KCNE4: variants seen among roughly 807,000 people sequenced by gnomAD.
The protein encoded by KCNE4 is potassium voltage-gated channel subfamily E member 4.
KCNE4 carries 6 observed loss-of-function variants against 9.2 expected under a neutral mutation model. The observed-to-expected ratio is 0.65, with a 90% confidence interval of 0.36 to 1.29. KCNE4 has a LOEUF of 1.29. Ranked by LOEUF, KCNE4 falls within the 50% of genes most tolerant of loss-of-function variation. KCNE4 has a pLI of 0.03. For synonymous variants in KCNE4, 115 were observed against 103.2 expected (o/e 1.11, Z -0.70); for missense variants, 222 against 228.8 (o/e 0.97, Z 0.19).
At chr2:223,052,316 A>G (rs145208687) in intron 1 of KCNE4, 42 bp downstream of exon 1, 1 of 1,234,304 alleles carries the variant, frequency 8.1e-7, no homozygotes, top group East Asian at 3.1e-5. Context: ...AAACATTTGA[A>G]AGAGGGACAT....
Position 223,055,375 on chromosome 2 carries a change from A to G in KCNE4, c.*2032A>G, listed in dbSNP as rs1698752552. On this transcript the variant is annotated 3_prime_UTR_variant, in exon 2 of 2. Coordinates refer to ENST00000281830, the MANE Select transcript of KCNE4 (RefSeq NM_080671.4). ...GGGGCTGTTTAAGTTGAAAGAAGCCAAGTTAAGTTTGGCCTCTTGCCTGGA... is the reference window on the plus strand; with the variant it reads ...GGGGCTGTTTAAGTTGAAAGAAGCCGAGTTAAGTTTGGCCTCTTGCCTGGA... 6.0e-6 allele frequency: 1 copy of G among 167,080 alleles called. No individual in the cohort carries two copies. The highest frequency in any genetic ancestry group is 1.5e-5 in the Non-Finnish European group (1 of 68,104). 10.3% of individuals were successfully genotyped at this position (167,080 alleles called of 1,614,324 possible).
rs748663275 is a variant in KCNE4 at position 223,053,259 on chromosome 2, A to T, written c.429A>T (p.Ala143=). The T allele has an allele frequency of 1.2e-6, 2 of 1,614,008 alleles. No individual in the cohort carries two copies. The highest frequency in any genetic ancestry group is 2.2e-5 in the South Asian group (2 of 91,080). ...DVHLTIQEEG[A]DDELEETSET... Reference sequence around the variant, plus strand: ...ACCTCACCATTCAGGAGGAGGGGGCAGACGATGAGCTGGAGGAGACCTCGG... The same window carrying T: ...ACCTCACCATTCAGGAGGAGGGGGCTGACGATGAGCTGGAGGAGACCTCGG... The change falls in exon 2 of 2, where the codon GCA becomes GCT. Residue 143 remains alanine, a synonymous_variant. Coordinates refer to ENST00000281830, the MANE Select transcript of KCNE4 (RefSeq NM_080671.4). The surrounding 1 kb of genome is among the most constrained non-coding windows in gnomAD (Gnocchi z 4.1).
In KCNE4 at chr2:223,053,597, TG is replaced by T; in HGVS notation, c.*258del. ...AGATGCGCAGCGCGTACACTGACTT[TG>T]GGGCCTGGGTGTTGGGGTTCTGATC... On this transcript the variant is annotated 3_prime_UTR_variant, in exon 2 of 2. Coordinates refer to ENST00000281830, the MANE Select transcript of KCNE4 (RefSeq NM_080671.4). The surrounding 1 kb of genome is among the most constrained non-coding windows in gnomAD (Gnocchi z 4.1). 1 of 534,928 alleles carries T rather than the reference TG, an allele frequency of 1.9e-6. No homozygotes were observed. Among genetic ancestry groups the T allele is most frequent in the Non-Finnish European group, 3.5e-6 (1 of 287,572 alleles). The allele number at this position is 534,928 out of a possible 1,614,324, so 33.1% of individuals were successfully genotyped here.
chr2:223,053,196 G>T lies in KCNE4; in HGVS notation c.366G>T (p.Gly122=). The T allele has an allele frequency of 6.2e-7, 1 of 1,612,344 alleles. No individual in the cohort carries two copies. The change falls in exon 2 of 2, where the codon GGG becomes GGT. Residue 122 remains glycine, a synonymous_variant. Coordinates refer to ENST00000281830, the MANE Select transcript of KCNE4 (RefSeq NM_080671.4). The surrounding 1 kb of genome is among the most constrained non-coding windows in gnomAD (Gnocchi z 4.1). Reference sequence around the variant, plus strand: ...CCTGCACCCTCTGTTCCATGGAAGGGGACAGCGTGAGCTCCGAGTCCTCCT... The same window carrying T: ...CCTGCACCCTCTGTTCCATGGAAGGTGACAGCGTGAGCTCCGAGTCCTCCT... ...ALSCTLCSME[G]DSVSSESSSP...
Position 223,055,017 on chromosome 2 carries a change from C to T in KCNE4, c.*1674C>T, listed in dbSNP as rs2106183911. On this transcript the variant is annotated 3_prime_UTR_variant, in exon 2 of 2. Coordinates refer to ENST00000281830, the MANE Select transcript of KCNE4 (RefSeq NM_080671.4). ...GGATTACAGGCGCCTGCCACCACGC[C>T]CAGCTAATTTTTTGATTTTTAGTAG... is the stretch of plus-strand genomic sequence containing the variant. 1 of 161,282 alleles carries T rather than the reference C, an allele frequency of 6.2e-6. No individual in the cohort carries two copies. Among genetic ancestry groups the T allele is most frequent in the African/African-American group, 2.4e-5 (1 of 41,512 alleles). The allele number at this position is 161,282 out of a possible 1,614,324, so 10.0% of individuals were successfully genotyped here. A position where few individuals can be genotyped will look rare whatever the true frequency, so the allele number is the denominator to read the frequency against.
Position 223,052,790 on chromosome 2 carries a change from C to G in KCNE4, c.-23-18C>G. ...CCAGGACCTGGGGGAGAGTTCTAAC[C>G]TGCGGCTTTTTCCCCAGCCCCTGCT... On this transcript the variant is annotated intron_variant, in intron 1 of 1. Coordinates refer to ENST00000281830, the MANE Select transcript of KCNE4 (RefSeq NM_080671.4). 1 of 1,603,364 alleles carries G rather than the reference C, an allele frequency of 6.2e-7. No homozygotes were observed. The highest frequency in any genetic ancestry group is 8.5e-7 in the Non-Finnish European group (1 of 1,179,688).
Position 223,053,030 on chromosome 2 carries a change from C to T in KCNE4, c.200C>T (p.Ser67Phe), listed in dbSNP as rs1698718319. Residue 67 changes from serine (S) to phenylalanine (F), a missense_variant, in exon 2 of 2, where the codon TCC becomes TTC. Coordinates refer to ENST00000281830, the MANE Select transcript of KCNE4 (RefSeq NM_080671.4). The surrounding 1 kb of genome is among the most constrained non-coding windows in gnomAD (Gnocchi z 4.1). Reference sequence around the variant, plus strand: ...AAATCCAAGAGGCGGGAGAAGAAGTCCAGCCTCCTGCTGCTGTACAAAGAC... The same window carrying T: ...AAATCCAAGAGGCGGGAGAAGAAGTTCAGCCTCCTGCTGCTGTACAAAGAC... ...YMKSKRREKK[S>F]SLLLLYKDEE... 1 of 1,614,188 alleles carries T rather than the reference C, an allele frequency of 6.2e-7. No homozygotes were observed. Among genetic ancestry groups the T allele is most frequent in the Non-Finnish European group, 8.5e-7 (1 of 1,180,028 alleles).
In KCNE4 at chr2:223,053,992, A is replaced by G. The variant is rs1349115000; in HGVS notation, c.*649A>G. The G allele has an allele frequency of 1.2e-5, 2 of 167,996 alleles. No homozygotes were observed. Among genetic ancestry groups the G allele is most frequent in the Non-Finnish European group, 2.9e-5 (2 of 68,840 alleles). 10.4% of individuals were successfully genotyped at this position (167,996 alleles called of 1,614,324 possible). ...GATCTTCTATTTTGACCTTTTGTCT[A>G]ACTTATGACCTTGAACTCTGACCTG... On this transcript the variant is annotated 3_prime_UTR_variant, in exon 2 of 2. Coordinates refer to ENST00000281830, the MANE Select transcript of KCNE4 (RefSeq NM_080671.4). The surrounding 1 kb of genome is among the most constrained non-coding windows in gnomAD (Gnocchi z 4.1).
Position 223,052,201 on chromosome 2 carries a change from C to T in KCNE4, c.-97C>T. On this transcript the variant is annotated 5_prime_UTR_variant, in exon 1 of 2. Transcript: ENST00000281830. ...GCAGCGGAGTTGTCAGAGCGCAGAG[C>T]CGGACAGAGCAGAAGAACCCTCTTG... The T allele has an allele frequency of 4.1e-6, 5 of 1,232,812 alleles. No individual in the cohort carries two copies. The highest frequency in any genetic ancestry group is 5.1e-6 in the Non-Finnish European group (5 of 988,538). 76.4% of individuals were successfully genotyped at this position (1,232,812 alleles called of 1,614,324 possible). A position where few individuals can be genotyped will look rare whatever the true frequency, so the allele number is the denominator to read the frequency against.
intron 1 of KCNE4, among the ~76,000 whole-genome samples, 151 bp downstream of exon 1, chr2:223,052,425 G>A (rs78654549): frequency 0.026 from 3,972 of 151,924 alleles, 174 homozygotes; most frequent in African/African-American, 0.091. Flanking sequence ...TTTGGTTTTG[G>A]AAACACAATG....
At chr2:223,052,670 T>G in intron 1 of KCNE4, 138 bp from the exon 2 acceptor site, 1 of 954,748 alleles carries the variant, frequency 1.0e-6, no homozygotes. Flanking sequence ...TTGTCAGCTG[T>G]TTGGCGAACC....
rs1056277926 is a variant in KCNE4, at chr2:223,052,208, G to C, written c.-90G>C. Reference sequence around the variant, plus strand: ...AGTTGTCAGAGCGCAGAGCCGGACAGAGCAGAAGAACCCTCTTGGACTGGA... The same window carrying C: ...AGTTGTCAGAGCGCAGAGCCGGACACAGCAGAAGAACCCTCTTGGACTGGA... On this transcript the variant is annotated 5_prime_UTR_variant, in exon 1 of 2. Transcript: ENST00000281830. 8.9e-6 allele frequency: 11 copies of C among 1,233,676 alleles called. No homozygotes were observed. The African/African-American group carries it at 1.4e-4, about 16-fold the overall frequency. The allele number at this position is 1,233,676 out of a possible 1,614,324, so 76.4% of individuals were successfully genotyped here. A position where few individuals can be genotyped will look rare whatever the true frequency, so the allele number is the denominator to read the frequency against.
At position 223,053,533 on chromosome 2, in the gene KCNE4, G is replaced by A. The variant is rs1231735179; in HGVS notation, c.*190G>A. On this transcript the variant is annotated 3_prime_UTR_variant, in exon 2 of 2. Coordinates refer to ENST00000281830, the MANE Select transcript of KCNE4 (RefSeq NM_080671.4). This position sits in a 1 kb window ranked among gnomAD's most constrained non-coding sequence, Gnocchi z 4.1. Reference sequence around the variant, plus strand: ...ACCAGCACCTCCAAGGAGTCCGGGAGGTGCCTGTGGTTTGCACCCACCACT... The same window carrying A: ...ACCAGCACCTCCAAGGAGTCCGGGAAGTGCCTGTGGTTTGCACCCACCACT... 9 of 648,558 alleles carry A rather than the reference G, an allele frequency of 1.4e-5. No individual in the cohort carries two copies. The highest frequency in any genetic ancestry group is 9.1e-5 in the African/African-American group (5 of 54,856). 40.2% of individuals were successfully genotyped at this position (648,558 alleles called of 1,614,324 possible). A position where few individuals can be genotyped will look rare whatever the true frequency, so the allele number is the denominator to read the frequency against.
chr2:223,052,846 C>A lies in KCNE4; in HGVS notation c.16C>A (p.Pro6Thr). 1.2e-6 allele frequency: 2 copies of A among 1,612,280 alleles called. No individual in the cohort carries two copies. The highest frequency in any genetic ancestry group is 2.2e-5 in the South Asian group (2 of 91,070). Residue 6 changes from proline (P) to threonine (T), a missense_variant, in exon 2 of 2, where the codon CCT becomes ACT. By Grantham distance (38) the Pro-to-Thr change is conservative (BLOSUM62 -1). Coordinates refer to ENST00000281830, the MANE Select transcript of KCNE4 (RefSeq NM_080671.4). Reference protein sequence around the residue: MLKMEPLNSTHPGTAA... With the variant: MLKMETLNSTHPGTAA... ...GGCAGCCTCAATGCTGAAAATGGAG[C>A]CTCTGAACAGCACGCACCCCGGCAC...
rs1002253333 is a variant in KCNE4 at position 223,054,124 on chromosome 2, T to C, written c.*781T>C. The C allele has an allele frequency of 6.0e-6, 1 of 167,110 alleles. No individual in the cohort carries two copies. The highest frequency in any genetic ancestry group is 1.5e-5 in the Non-Finnish European group (1 of 68,162). 10.4% of individuals were successfully genotyped at this position (167,110 alleles called of 1,614,324 possible). On this transcript the variant is annotated 3_prime_UTR_variant, in exon 2 of 2. Transcript: ENST00000281830. ...TGGTTCAGGAGACTCTTCCTGATCT[T>C]TCTAGAAGGGGTAAAGTGGGGTTGA...
In KCNE4 at chr2:223,053,364, G is replaced by A; in HGVS notation, c.*21G>A. 1.2e-6 allele frequency: 2 copies of A among 1,606,878 alleles called. No homozygotes were observed. The highest frequency in any genetic ancestry group is 1.7e-6 in the Non-Finnish European group (2 of 1,176,126). ...CCTAGCACCCCCGGGACCCCTGCCG[G>A]TGGCTCCATCAGCCAGCAACCTTAG... On this transcript the variant is annotated 3_prime_UTR_variant, in exon 2 of 2. Coordinates refer to ENST00000281830, the MANE Select transcript of KCNE4 (RefSeq NM_080671.4). The surrounding 1 kb of genome is among the most constrained non-coding windows in gnomAD (Gnocchi z 4.1).
Position 223,053,454 on chromosome 2 carries a change from G to T in KCNE4, c.*111G>T. 4 of 1,148,992 alleles carry T rather than the reference G, an allele frequency of 3.5e-6. No individual in the cohort carries two copies. In the South Asian group the frequency reaches 4.0e-5, roughly 12 times the overall value. 71.2% of individuals were successfully genotyped at this position (1,148,992 alleles called of 1,614,324 possible). Reference sequence around the variant, plus strand: ...CACAGTGCGGCTGCCACTTTGAAGAGACCCTTGGTAAACCCCTGATTCGGG... The same window carrying T: ...CACAGTGCGGCTGCCACTTTGAAGATACCCTTGGTAAACCCCTGATTCGGG... On this transcript the variant is annotated 3_prime_UTR_variant, in exon 2 of 2. Coordinates refer to ENST00000281830, the MANE Select transcript of KCNE4 (RefSeq NM_080671.4). The surrounding 1 kb of genome is among the most constrained non-coding windows in gnomAD (Gnocchi z 4.1).
rs2106183478 is a variant in KCNE4, at chr2:223,053,867, G to C, written c.*524G>C. 1 of 174,032 alleles carries C rather than the reference G, an allele frequency of 5.7e-6. No homozygotes were observed. The highest frequency in any genetic ancestry group is 2.4e-5 in the African/African-American group (1 of 41,702). The allele number at this position is 174,032 out of a possible 1,614,324, so 10.8% of individuals were successfully genotyped here. A position where few individuals can be genotyped will look rare whatever the true frequency, so the allele number is the denominator to read the frequency against. Reference sequence around the variant, plus strand: ...TCTTTTGGATTAGAGGGGGATTTTTGATGGGAGAAAGCTGGAGATCTGAAC... The same window carrying C: ...TCTTTTGGATTAGAGGGGGATTTTTCATGGGAGAAAGCTGGAGATCTGAAC... On this transcript the variant is annotated 3_prime_UTR_variant, in exon 2 of 2. Transcript: ENST00000281830. This position sits in a 1 kb window ranked among gnomAD's most constrained non-coding sequence, Gnocchi z 4.1.
chr2:223,053,651 A>C lies in KCNE4; in HGVS notation c.*308A>C. On this transcript the variant is annotated 3_prime_UTR_variant, in exon 2 of 2. Coordinates refer to ENST00000281830, the MANE Select transcript of KCNE4 (RefSeq NM_080671.4). This position sits in a 1 kb window ranked among gnomAD's most constrained non-coding sequence, Gnocchi z 4.1. The stretch of plus-strand genomic sequence containing the variant: ...AATTTGGCGGGATGATATGTTTGCC[A>C]TTTTCTCACTGGATGCCCTGGGTAG... 1 of 406,942 alleles carries C rather than the reference A, an allele frequency of 2.5e-6. No homozygotes were observed. The highest frequency in any genetic ancestry group is 2.8e-5 in the South Asian group (1 of 36,010). The allele number at this position is 406,942 out of a possible 1,614,324, so 25.2% of individuals were successfully genotyped here. A position where few individuals can be genotyped will look rare whatever the true frequency, so the allele number is the denominator to read the frequency against.
Sources: allele counts gnomAD v4.1 joint callset (sites outside exome capture counted in the v4.1 genomes callset), GRCh38; gene constraint gnomAD v4.1.1; non-coding constraint Gnocchi (gnomAD v3.1); transcripts MANE v1.5; gene names NCBI Gene and HGNC (gene_info 2026-07-23, HGNC 2026-07-21).